The following DNAH17 variants were observed in gnomAD, a reference collection of about 807,000 sequenced individuals.
DNAH17 encodes the protein axonemal beta dynein heavy chain 17.
Under a neutral mutation model 485.6 loss-of-function variants are expected in DNAH17, and 376 were observed. The observed-to-expected ratio is 0.77, with a 90% confidence interval of 0.71 to 0.84. DNAH17 has a LOEUF of 0.84. Among genes scored for constraint, DNAH17 ranks in the 40% least tolerant of loss-of-function variants. DNAH17 has a pLI of 0.00. For missense variants in DNAH17, 6,370 were observed against 5,839.3 expected (o/e 1.09, Z -2.96); for synonymous variants, 3,031 against 2,405.9 (o/e 1.26, Z -7.60).
intron 15 of DNAH17, 21 bp from the exon 16 acceptor site, chr17:78,551,659 A>C: frequency 6.2e-7 from 1 of 1,611,278 alleles, no homozygotes. Context: ...AATGTAGAGG[A>C]ATCTTACAAA....
In DNAH17 at chr17:78,445,667, T is replaced by C. The variant is rs1365414296; in HGVS notation, c.11225A>G (p.Lys3742Arg). The change falls in exon 70 of 81, where the codon AAG becomes AGG. Residue 3742 changes from lysine to arginine, a missense_variant. Transcript: ENST00000389840. Reference sequence around the variant, plus strand: ...CAGCTCCACTGGGTTCAGCTCCTTCTTCATGGACAGGACCTGGGGGAACAT... The same window carrying C: ...CAGCTCCACTGGGTTCAGCTCCTTCCTCATGGACAGGACCTGGGGGAACAT... ...AQVTFQVLSM[K>R]KELNPVELDF... 6.3e-7 allele frequency: 1 copy of C among 1,585,686 alleles called. No individual in the cohort carries two copies. Among genetic ancestry groups the C allele is most frequent in the South Asian group, 1.2e-5 (1 of 86,530 alleles).
At chr17:78,527,058 T>C in intron 22 of DNAH17, 62 bp from the exon 23 acceptor site, 1 of 1,379,842 alleles carries the variant, frequency 7.2e-7, no homozygotes, top group Non-Finnish European at 9.8e-7. Context: ...CCTTCTATTG[T>C]GAAATAATTA....
At chr17:78,538,954 T>C (rs573170064) in intron 18 of DNAH17, among the ~76,000 whole-genome samples, 44 of 152,306 alleles carry the variant, frequency 2.9e-4, no homozygotes, top group African/African-American at 9.9e-4. Context: ...GATGCAGGGC[T>C]GGGCACAGTG....
At chr17:78,517,180 C>T (rs961317430) in intron 25 of DNAH17, among the ~76,000 whole-genome samples, 1 of 152,138 alleles carries the variant, frequency 6.6e-6, no homozygotes, top group Non-Finnish European at 1.5e-5. Flanking sequence ...GTAGCTGGGA[C>T]TACAGGCACA....
At position 78,573,203 on chromosome 17, in the gene DNAH17, G is replaced by A. The variant is rs115685881; in HGVS notation, c.346-309C>T. Among the ~76,000 whole-genome samples the A allele has an allele frequency of 5.7e-3, 872 of 152,314 alleles. 7 individuals carry two copies. Among genetic ancestry groups the A allele is most frequent in the African/African-American group, 0.02 (828 of 41,564 alleles). On this transcript the variant is annotated intron_variant, in intron 2 of 80. Transcript: ENST00000389840. ...GCACACACTCCTTGCTAAAAGCCTA[G>A]GAGGACTGTGATGGGTCAAACTGTG... is the stretch of plus-strand genomic sequence containing the variant.
chr17:78,460,055 G>A, intron 59 of DNAH17, 54 bp from the exon 60 acceptor site: 1 of 1,601,640 alleles, frequency 6.2e-7, no homozygotes, highest in Non-Finnish European at 8.5e-7. Context: ...GGTCCTCGGT[G>A]ATGCCCCGAA....
In DNAH17 at chr17:78,485,726, C is replaced by T. The variant is rs770631472; in HGVS notation, c.7307G>A (p.Arg2436His). The change falls in exon 47 of 81, where the codon CGC becomes CAC. Residue 2436 changes from arginine to histidine, a missense_variant. Coordinates refer to ENST00000389840, the MANE Select transcript of DNAH17 (RefSeq NM_173628.4). ...GAGCAGGTCCATGAAGTAGCGGATG[C>T]GGATGGTTTCCGTGGTGTGGACCAA... ...ASLVHTTETI[R>H]IRYFMDLLME... is the part of the protein sequence containing the mutation. 1.6e-5 allele frequency: 26 copies of T among 1,613,768 alleles called. No homozygotes were observed. Among genetic ancestry groups the T allele is most frequent in the East Asian group, 2.2e-5 (1 of 44,896 alleles).
chr17:78,458,366 G>C, intron 62 of DNAH17, 199 bp downstream of exon 62: 2 of 593,036 alleles, frequency 3.4e-6, no homozygotes, highest in East Asian at 2.9e-5. Flanking sequence ...GGAACCACGC[G>C]ACAGGGCATA....
chr17:78,495,790 C>T (rs1218495997), intron 38 of DNAH17, 85 bp downstream of exon 38: 7 of 1,489,560 alleles, frequency 4.7e-6, no homozygotes, highest in Non-Finnish European at 6.3e-6. Context: ...CTCTGCCCCT[C>T]CCCTCTGCCC....
chr17:78,532,746 G>C lies in DNAH17; in HGVS notation c.2860-10C>G, dbSNP rs761296988. On this transcript the variant is annotated splice_polypyrimidine_tract_variant and intron_variant, in intron 19 of 80. Coordinates refer to ENST00000389840, the MANE Select transcript of DNAH17 (RefSeq NM_173628.4). ...TATCTTCCAGGTCCATCTGAAAGGGGCAGGGGAGAAGCAAAAAGGGGAGGT... is the reference window on the plus strand; with the variant it reads ...TATCTTCCAGGTCCATCTGAAAGGGCCAGGGGAGAAGCAAAAAGGGGAGGT... The C allele has an allele frequency of 2.5e-6, 4 of 1,581,538 alleles. No individual in the cohort carries two copies. In the Admixed American group the frequency reaches 5.3e-5, roughly 21 times the overall value.
At position 78,530,452 on chromosome 17, in the gene DNAH17, G is replaced by A. The variant is rs1030104038; in HGVS notation, c.3175C>T (p.His1059Tyr). ...VSKCENTKVF[H>Y]GWLQCDCRPF... ...CGGCAGTCGCACTGCAGCCAGCCGT[G>A]GAACACCTTGGTGTTCTCGCACTTG... The change falls in exon 21 of 81, where the codon CAC (histidine) becomes TAC (tyrosine). Residue 1059 changes from histidine (H) to tyrosine (Y), a missense_variant. Physicochemically the swap from His to Tyr is moderately conservative, Grantham distance 83. Transcript: ENST00000389840. The A allele has an allele frequency of 3.1e-6, 5 of 1,613,572 alleles. No homozygotes were observed. Among genetic ancestry groups the A allele is most frequent in the Admixed American group, 3.3e-5 (2 of 60,012 alleles).
chr17:78,520,971 C>T (rs907966005), intron 25 of DNAH17, among the ~76,000 whole-genome samples: 1 of 152,126 alleles, frequency 6.6e-6, no homozygotes, highest in African/African-American at 2.4e-5. Flanking sequence ...GATAACAAAC[C>T]TTACTAGATT....
intron 78 of DNAH17, 109 bp downstream of exon 78, chr17:78,426,817 G>A (rs1234508419): frequency 1.4e-6 from 2 of 1,379,346 alleles, no homozygotes; most frequent in East Asian, 2.5e-5. Flanking sequence ...AGAGGGAGCA[G>A]TACCATGCTG....
intron 16 of DNAH17, among the ~76,000 whole-genome samples, chr17:78,546,120 G>A (rs1025570240): frequency 6.6e-6 from 1 of 152,154 alleles, no homozygotes; most frequent in East Asian, 1.9e-4. Flanking sequence ...GGGACCACAG[G>A]TGTTGTCCAG....
At chr17:78,503,121 CA>C in intron 31 of DNAH17, 110 bp from the exon 32 acceptor site, 2 of 1,326,718 alleles carry the variant, frequency 1.5e-6, no homozygotes, top group African/African-American at 1.5e-5. Flanking sequence ...ATCCTCATCC[CA>C]GGGGCAGACA....
chr17:78,500,381 TCA>T lies in DNAH17; in HGVS notation c.5562_5563del (p.Glu1855AspfsTer44). 6.2e-7 allele frequency: 1 copy of T among 1,612,574 alleles called. No homozygotes were observed. Among genetic ancestry groups the T allele is most frequent in the Non-Finnish European group, 8.5e-7 (1 of 1,179,428 alleles). On this transcript the variant is annotated frameshift_variant, in exon 36 of 81. Coordinates refer to ENST00000389840, the MANE Select transcript of DNAH17 (RefSeq NM_173628.4). LOFTEE classifies it high-confidence loss of function. ...GGCTCTGCCCAGGTCCTTGGTCGTC[TCA>T]GTCTTGCCGGTCCCAGCGGGGCCGG...
At chr17:78,427,153 AC>A in intron 77 of DNAH17, 45 bp from the exon 78 acceptor site, 1 of 1,544,994 alleles carries the variant, frequency 6.5e-7, no homozygotes, top group South Asian at 1.2e-5. Context: ...CAAAGAGCCC[AC>A]CCCACCCACT....
chr17:78,459,669 A>G (rs1334032734), intron 60 of DNAH17, 115 bp downstream of exon 60: 8 of 1,151,098 alleles, frequency 6.9e-6, no homozygotes, highest in African/African-American at 1.5e-5. Flanking sequence ...GGGGCTGCCT[A>G]GATTTTGAGC....
chr17:78,543,005 G>A (rs753383057), intron 17 of DNAH17, among the ~76,000 whole-genome samples: 15 of 152,226 alleles, frequency 9.9e-5, no homozygotes, highest in Non-Finnish European at 1.2e-4. Flanking sequence ...CGAGGGCTCT[G>A]GTACCCTTAG....
Sources: gnomAD v4.1 joint callset for allele counts (sites outside exome capture counted in the v4.1 genomes callset) on GRCh38, gnomAD v4.1.1 for gene constraint, MANE v1.5 for transcripts, NCBI Gene and HGNC (gene_info 2026-07-23, HGNC 2026-07-21) for gene names.